SRPK2: variants seen among roughly 807,000 people sequenced by gnomAD.
The protein encoded by SRPK2 is SRSF protein kinase 2.
SRPK2 carries 21 observed loss-of-function variants against 90.8 expected under a neutral mutation model. The ratio of observed to expected loss-of-function variants is 0.23; its 90% CI spans 0.16 to 0.33. The LOEUF is 0.33. Among genes scored for constraint, SRPK2 ranks in the 10% least tolerant of loss-of-function variants. The pLI, the probability that SRPK2 is intolerant of heterozygous loss-of-function variation, is 1.00. For missense variants in SRPK2, 620 were observed against 869.0 expected (o/e 0.71, Z 3.60); for synonymous variants, 288 against 311.1 (o/e 0.93, Z 0.78).
chr7:105,384,185 A>G (rs971157091), intron 2 of SRPK2, among the ~76,000 whole-genome samples: 12 of 152,350 alleles, frequency 7.9e-5, no homozygotes, highest in African/African-American at 2.6e-4. Flanking sequence ...CCATATAAAC[A>G]TACTATAAGG....
chr7:105,127,179 C>T (rs1371287131), intron 13 of SRPK2, 117 bp from the exon 14 acceptor site: 2 of 857,358 alleles, frequency 2.3e-6, no homozygotes, highest in Admixed American at 5.1e-5. Flanking sequence ...ACAAAATAGC[C>T]TCCTGAAAGT....
In SRPK2 at chr7:105,388,508, G is replaced by A. The variant is rs1371521788; in HGVS notation, c.71+140C>T. 1.7e-5 allele frequency: 8 copies of A among 470,508 alleles called. No individual in the cohort carries two copies. In the East Asian group the frequency reaches 4.0e-4, roughly 24 times the overall value. 29.1% of individuals were successfully genotyped at this position (470,508 alleles called of 1,614,324 possible). A position where few individuals can be genotyped will look rare whatever the true frequency, so the allele number is the denominator to read the frequency against. Reference sequence around the variant, plus strand: ...CCCCTCCCCCCGGGCCGCCCGCCGGGGGCAGGAGCCGAGCGCCAGCGTCCC... The same window carrying A: ...CCCCTCCCCCCGGGCCGCCCGCCGGAGGCAGGAGCCGAGCGCCAGCGTCCC... On this transcript the variant is annotated intron_variant, in intron 2 of 15. Transcript: ENST00000393651.
chr7:105,367,342 A>C (rs1299593132), intron 2 of SRPK2, among the ~76,000 whole-genome samples: 1 of 152,012 alleles, frequency 6.6e-6, no homozygotes, highest in African/African-American at 2.4e-5. Context: ...GGCTCACCGC[A>C]ACCTCGGCCT....
intron 6 of SRPK2, among the ~76,000 whole-genome samples, chr7:105,165,875 G>A (rs1789990590): frequency 6.6e-6 from 1 of 152,154 alleles, no homozygotes; most frequent in Non-Finnish European, 1.5e-5. Context: ...TTTAAGAGCT[G>A]TAACACTCAC....
intron 2 of SRPK2, among the ~76,000 whole-genome samples, chr7:105,238,780 T>C (rs1388510936): frequency 1.3e-5 from 2 of 152,070 alleles, no homozygotes; most frequent in African/African-American, 4.8e-5. Context: ...AATAAGAAAA[T>C]CATTTTCAGT....
At chr7:105,370,559 T>G (rs1237185459) in intron 2 of SRPK2, among the ~76,000 whole-genome samples, 1 of 151,998 alleles carries the variant, frequency 6.6e-6, no homozygotes, top group African/African-American at 2.4e-5. Context: ...AAGAGATGCC[T>G]GAAACAATGC....
intron 7 of SRPK2, 145 bp from the exon 8 acceptor site, chr7:105,146,803 G>A: frequency 1.2e-6 from 1 of 802,678 alleles, no homozygotes; most frequent in South Asian, 1.8e-5. Context: ...TCCCTCCCAT[G>A]CCTACCCACA....
chr7:105,237,495 C>T (rs891406164), intron 2 of SRPK2, among the ~76,000 whole-genome samples: 1 of 152,150 alleles, frequency 6.6e-6, no homozygotes, highest in African/African-American at 2.4e-5. Flanking sequence ...CTCAGAGGAG[C>T]GAACAGTCTA....
intron 2 of SRPK2, among the ~76,000 whole-genome samples, chr7:105,329,969 AG>A (rs915156968): frequency 1.3e-5 from 2 of 152,124 alleles, no homozygotes; most frequent in African/African-American, 4.8e-5. Flanking sequence ...CAGGAGGCAG[AG>A]GTTGCAGTGA....
intron 1 of SRPK2, among the ~76,000 whole-genome samples, chr7:105,398,287 CT>C (rs1174301136): frequency 6.6e-6 from 1 of 151,784 alleles, no homozygotes; most frequent in East Asian, 1.9e-4. Flanking sequence ...CATGTTGCAT[CT>C]TAGAAGGTGT....
At chr7:105,197,909 G>T (rs1795116858) in intron 3 of SRPK2, among the ~76,000 whole-genome samples, 1 of 152,222 alleles carries the variant, frequency 6.6e-6, no homozygotes, top group African/African-American at 2.4e-5. Context: ...CAAAACTCAT[G>T]TCTGAGGACA....
At chr7:105,304,663 T>C (rs1810954660) in intron 2 of SRPK2, among the ~76,000 whole-genome samples, 1 of 152,184 alleles carries the variant, frequency 6.6e-6, no homozygotes, top group South Asian at 2.1e-4. Context: ...CATTAGACAG[T>C]ATCCCGAGCC....
downstream of SRPK2, among the ~76,000 whole-genome samples, chr7:105,116,177 A>C (rs191815199): frequency 2.1e-3 from 320 of 152,240 alleles, 3 homozygotes; most frequent in African/African-American, 7.4e-3. Context: ...CTAGAGAATC[A>C]ATCTATACTG....
chr7:105,325,001 G>A (rs921844571), intron 2 of SRPK2, among the ~76,000 whole-genome samples: 3 of 152,298 alleles, frequency 2.0e-5, no homozygotes, highest in African/African-American at 7.2e-5. Flanking sequence ...GTCAACTGGA[G>A]CCATTCATTA....
Position 105,126,899 on chromosome 7 carries a change from TG to T in SRPK2, c.1822+93del, listed in dbSNP as rs1328362521. On this transcript the variant is annotated intron_variant, in intron 14 of 15. Transcript: ENST00000393651. ...ATTTGGTGTTTGAAAACCAAACACATGGCTCTATTTCAGTACAAAAATACAG... is the reference window on the plus strand; with the variant it reads ...ATTTGGTGTTTGAAAACCAAACACATGCTCTATTTCAGTACAAAAATACAG... The T allele has an allele frequency of 8.0e-6, 10 of 1,242,498 alleles. No individual in the cohort carries two copies. The East Asian group carries it at 2.1e-4, about 26-fold the overall frequency. The allele number at this position is 1,242,498 out of a possible 1,614,324, so 77.0% of individuals were successfully genotyped here. A position where few individuals can be genotyped will look rare whatever the true frequency, so the allele number is the denominator to read the frequency against.
rs377574634 is a variant in SRPK2 at position 105,214,814 on chromosome 7, C to G, written c.72-11029G>C. 6.6e-5 allele frequency among the ~76,000 whole-genome samples: 10 copies of G among 152,282 alleles called. No individual in the cohort carries two copies. In the East Asian group the frequency reaches 1.4e-3, roughly 21 times the overall value. On this transcript the variant is annotated intron_variant, in intron 2 of 15. Transcript: ENST00000393651. The stretch of plus-strand genomic sequence containing the variant: ...AACAAAATCCCTATCAAAATCCCAG[C>G]CAGCTTCTTTGCTGAATTTGACAAG...
intron 2 of SRPK2, chr7:105,306,684 C>T: frequency 2.9e-6 from 1 of 340,570 alleles, no homozygotes; most frequent in Non-Finnish European, 5.7e-6. Context: ...CACTCATTTA[C>T]AAATATCTTT....
chr7:105,349,056 G>A (rs1369872183), intron 2 of SRPK2, among the ~76,000 whole-genome samples: 1 of 150,962 alleles, frequency 6.6e-6, no homozygotes, highest in Non-Finnish European at 1.5e-5. Context: ...AGAGGCAGGA[G>A]AATCACTTGA....
intron 2 of SRPK2, among the ~76,000 whole-genome samples, chr7:105,365,508 A>AAT (rs1465392021): frequency 2.3e-4 from 32 of 137,280 alleles, no homozygotes; most frequent in African/African-American, 7.8e-4. Context: ...AAAAAAAAAA[A>AAT]ATTATATATA....
Sources: allele counts gnomAD v4.1 joint callset (sites outside exome capture counted in the v4.1 genomes callset), GRCh38; gene constraint gnomAD v4.1.1; transcripts MANE v1.5; gene names NCBI Gene and HGNC (gene_info 2026-07-23, HGNC 2026-07-21).